The following GRIK3 variants were observed in gnomAD, a reference collection of about 807,000 sequenced individuals.
GRIK3 encodes the protein glutamate ionotropic receptor kainate type subunit 3, also known as glutamate receptor ionotropic, kainate 3.
A neutral mutation model predicts 102.5 loss-of-function variants in GRIK3; 29 were observed. The observed-to-expected ratio is 0.28, with a 90% CI of 0.21 to 0.39. The LOEUF (loss-of-function observed/expected upper bound fraction) is 0.39, where lower values mean the gene tolerates loss of function less well. GRIK3 is among the 10% of genes least tolerant of loss of function. The probability of loss-of-function intolerance (pLI) is 1.00; values close to 1 mark genes in which losing one functional copy is unlikely to be tolerated. For synonymous variants in GRIK3, 511 were observed against 504.9 expected (o/e 1.01, Z -0.16); for missense variants, 908 against 1,252.4 (o/e 0.73, Z 4.15).
chr1:37,033,925 G>A, intron 1 of GRIK3, 69 bp downstream of exon 1: 2 of 844,706 alleles, frequency 2.4e-6, no homozygotes, highest in East Asian at 3.1e-5. Flanking sequence ...TCCGGAACGC[G>A]TTGGGAGGCC....
rs1415780389 is a variant in GRIK3, at chr1:36,800,418, G to A, written c.*1433C>T. The A allele has an allele frequency of 6.6e-6, 1 of 152,218 alleles. No homozygotes were observed. The highest frequency in any genetic ancestry group is 1.5e-5 in the Non-Finnish European group (1 of 68,044). The allele number at this position is 152,218 out of a possible 1,614,324, so 9.4% of individuals were successfully genotyped here. A position where few individuals can be genotyped will look rare whatever the true frequency, so the allele number is the denominator to read the frequency against. The stretch of plus-strand genomic sequence containing the variant: ...ACTCTTAAAGTCACAGACCTCTAGA[G>A]CATTCATCACAGCAAGCTGGAACTC... On this transcript the variant is annotated 3_prime_UTR_variant, in exon 16 of 16. Coordinates refer to ENST00000373091, the MANE Select transcript of GRIK3 (RefSeq NM_000831.4).
At chr1:36,876,952 G>A (rs1292559245) in intron 3 of GRIK3, among the ~76,000 whole-genome samples, 1 of 152,174 alleles carries the variant, frequency 6.6e-6, no homozygotes, top group Admixed American at 6.5e-5. Flanking sequence ...AATATTGAAG[G>A]AAAGAGTATA....
intron 1 of GRIK3, among the ~76,000 whole-genome samples, chr1:36,992,000 A>G (rs1301701351): frequency 2.6e-5 from 4 of 152,224 alleles, no homozygotes; most frequent in Non-Finnish European, 2.9e-5. Flanking sequence ...GGGCAGGCCA[A>G]GCCTGGCAGT....
intron 1 of GRIK3, among the ~76,000 whole-genome samples, chr1:36,991,406 C>T (rs1244023711): frequency 1.3e-5 from 2 of 152,218 alleles, no homozygotes; most frequent in South Asian, 2.1e-4. Flanking sequence ...CAGTGAGCAG[C>T]CTCAACCACA....
chr1:36,810,318 C>T (rs899532157), intron 13 of GRIK3, among the ~76,000 whole-genome samples: 7 of 152,318 alleles, frequency 4.6e-5, no homozygotes, highest in Admixed American at 2.6e-4. Flanking sequence ...CTGCCTGTCC[C>T]GGCCCTGGTT....
chr1:36,817,240 G>C lies in GRIK3; in HGVS notation c.1911C>G (p.Ile637Met). 1 of 1,613,726 alleles carries C rather than the reference G, an allele frequency of 6.2e-7. No homozygotes were observed. Among genetic ancestry groups the C allele is most frequent in the Non-Finnish European group, 8.5e-7 (1 of 1,179,616 alleles). ...ELMPKALSTR[I>M]IGGIWWFFTL... ...TGAAGAACCACCAGATGCCACCAAT[G>C]ATGCGTGTGGACAGGGCTTTGGGCA... is the stretch of plus-strand genomic sequence containing the variant. Residue 637 changes from isoleucine (I) to methionine (M), a missense_variant, in exon 13 of 16, where the codon ATC (isoleucine) becomes ATG (methionine). Around this residue, in one of 3 missense-constraint regions of GRIK3, gnomAD observed 26 missense variants for 64.8 expected, o/e 0.40. Transcript: ENST00000373091.
At chr1:36,887,852 G>C (rs991535074) in intron 2 of GRIK3, among the ~76,000 whole-genome samples, 4 of 150,936 alleles carry the variant, frequency 2.7e-5, no homozygotes, top group Non-Finnish European at 4.4e-5. Context: ...TATATAATGA[G>C]ACTCACTACA....
intron 10 of GRIK3, among the ~76,000 whole-genome samples, chr1:36,840,982 G>A (rs1286325496): frequency 6.6e-6 from 1 of 152,210 alleles, no homozygotes; most frequent in Non-Finnish European, 1.5e-5. Flanking sequence ...TACAGAGGGA[G>A]AAACTGCTCA....
chr1:36,802,071 C>G, intron 15 of GRIK3, 26 bp from the exon 16 acceptor site: 3 of 1,559,488 alleles, frequency 1.9e-6, no homozygotes, highest in Admixed American at 1.8e-5. Flanking sequence ...GGAGAGGGGT[C>G]GGAAAAGGGG....
chr1:36,849,347 G>A (rs1329830530), intron 9 of GRIK3, among the ~76,000 whole-genome samples: 1 of 152,174 alleles, frequency 6.6e-6, no homozygotes, highest in African/African-American at 2.4e-5. Context: ...TCTGTCCTGG[G>A]TTCTGCTCCA....
Position 36,930,892 on chromosome 1 carries a change from C to T in GRIK3, c.116-39796G>A, listed in dbSNP as rs149326025. On this transcript the variant is annotated intron_variant, in intron 1 of 15. Transcript: ENST00000373091. ...TATCTGCCAGCATGAGCTCAGCCAA[C>T]GAAACAGGCAGTGGAACTAGCTACG... Among the ~76,000 whole-genome samples the T allele has an allele frequency of 4.8e-3, 726 of 152,320 alleles. 2 individuals are homozygous for T. Among genetic ancestry groups the T allele is most frequent in the Non-Finnish European group, 7.7e-3 (526 of 68,032 alleles).
intron 8 of GRIK3, 38 bp downstream of exon 8, chr1:36,853,577 G>T: frequency 1.5e-6 from 2 of 1,344,348 alleles, no homozygotes; most frequent in Non-Finnish European, 2.1e-6. Context: ...AGAAGCCCCT[G>T]CTCCTCCGCC....
chr1:36,877,517 T>C (rs2124259535), intron 3 of GRIK3, among the ~76,000 whole-genome samples: 1 of 152,302 alleles, frequency 6.6e-6, no homozygotes, highest in African/African-American at 2.4e-5. Flanking sequence ...TGCTCAGCAA[T>C]ACTCAATGAT....
At chr1:36,917,786 G>C (rs1641418973) in intron 1 of GRIK3, among the ~76,000 whole-genome samples, 1 of 152,208 alleles carries the variant, frequency 6.6e-6, no homozygotes, top group African/African-American at 2.4e-5. Context: ...AATACAGGGA[G>C]GTTGAAGAGG....
intron 10 of GRIK3, among the ~76,000 whole-genome samples, chr1:36,836,001 T>C (rs948689958): frequency 6.6e-6 from 1 of 152,198 alleles, no homozygotes; most frequent in African/African-American, 2.4e-5. Context: ...CTGGGCAACC[T>C]GGCTGCTCCA....
At chr1:36,927,575 C>T (rs894435391) in intron 1 of GRIK3, among the ~76,000 whole-genome samples, 11 of 152,050 alleles carry the variant, frequency 7.2e-5, no homozygotes, top group African/African-American at 1.9e-4. Flanking sequence ...CACTCCATGT[C>T]GCCTTATCTT....
At chr1:36,925,795 G>A (rs529551061) in intron 1 of GRIK3, among the ~76,000 whole-genome samples, 55 of 152,360 alleles carry the variant, frequency 3.6e-4, no homozygotes, top group African/African-American at 1.2e-3. Context: ...AGGCAAGGGT[G>A]CTCAGTGCTG....
intron 1 of GRIK3, among the ~76,000 whole-genome samples, chr1:36,994,788 C>CA (rs1006443978): frequency 5.3e-5 from 8 of 151,782 alleles, no homozygotes; most frequent in East Asian, 3.9e-4. Flanking sequence ...AACTTCCTGG[C>CA]AAAAAAAATA....
rs1640492883 is a variant in GRIK3, at chr1:36,844,135, C to T, written c.1327-2196G>A. Among the ~76,000 whole-genome samples, 3 of 152,236 alleles carry T rather than the reference C, an allele frequency of 2.0e-5. No individual in the cohort carries two copies. In the South Asian group the frequency reaches 6.2e-4, roughly 31 times the overall value. ...CCCATCCTGCCCCATGCTTGATCCA[C>T]TGGAGCTTTTCAACAGTCCCTTGGG... On this transcript the variant is annotated intron_variant, in intron 9 of 15. Coordinates refer to ENST00000373091, the MANE Select transcript of GRIK3 (RefSeq NM_000831.4).
Sources: allele counts gnomAD v4.1 joint callset (sites outside exome capture counted in the v4.1 genomes callset), GRCh38; gene constraint gnomAD v4.1.1; regional missense constraint gnomAD v4.1.1; transcripts MANE v1.5; gene names NCBI Gene and HGNC (gene_info 2026-07-23, HGNC 2026-07-21).